Variants in EHBP1 observed in about 807,000 individuals in gnomAD.
EHBP1 encodes EH domain binding protein 1.
In EHBP1, 55 loss-of-function variants were observed where a neutral mutation model predicts 144.0. The observed-to-expected ratio is 0.38, with a 90% CI of 0.31 to 0.48. The LOEUF (loss-of-function observed/expected upper bound fraction) is 0.48, where lower values mean the gene tolerates loss of function less well. Ranked by LOEUF, EHBP1 falls within the 20% of genes least tolerant of loss-of-function variation. The pLI is 0.98. For synonymous variants in EHBP1, 469 were observed against 472.7 expected (o/e 0.99, Z 0.10); for missense variants, 1,200 against 1,364.2 (o/e 0.88, Z 1.90).
At chr2:62,956,085 A>G (rs2057680000) in intron 14 of EHBP1, 1 of 152,744 alleles carries the variant, frequency 6.5e-6, no homozygotes, top group South Asian at 2.1e-4. Flanking sequence ...CTCCATGGAG[A>G]CTGAGGCCAA....
Position 62,764,316 on chromosome 2 carries a change from G to A in EHBP1, c.213G>A (p.Val71=), listed in dbSNP as rs1484403571. 1 of 1,584,624 alleles carries A rather than the reference G, an allele frequency of 6.3e-7. No individual in the cohort carries two copies. The highest frequency in any genetic ancestry group is 1.8e-5 in the Admixed American group (1 of 54,640). The part of the protein sequence containing the change: ...GIKNPYRGVV[V]WPVPENIEIT... ...AAAATCCCTATCGTGGTGTTGTTGT[G>A]TGGCCTGTTCCTGAAAACATTGAAA... Residue 71 remains valine (V), a synonymous_variant, in exon 4 of 23, where the codon GTG becomes GTA. Coordinates refer to ENST00000431489, the MANE Select transcript of EHBP1 (RefSeq NM_001142616.3).
At chr2:62,805,397 A>ACAG (rs1423703513) in intron 5 of EHBP1, among the ~76,000 whole-genome samples, 1 of 152,012 alleles carries the variant, frequency 6.6e-6, no homozygotes, top group Non-Finnish European at 1.5e-5. Context: ...AAGTAGAAAA[A>ACAG]CAACAAAATG....
At chr2:62,953,777 A>C (rs1249898674) in intron 13 of EHBP1, among the ~76,000 whole-genome samples, 1 of 152,096 alleles carries the variant, frequency 6.6e-6, no homozygotes, top group South Asian at 2.1e-4. Flanking sequence ...AATTAAAAAA[A>C]AACTGTGTTT....
intron 7 of EHBP1, chr2:62,858,480 C>G (rs778667740): frequency 2.2e-5 from 36 of 1,610,964 alleles, no homozygotes; most frequent in Middle Eastern, 3.3e-4. Flanking sequence ...AGCAAATATG[C>G]GTTCAGCTAA....
At chr2:62,753,814 T>C (rs1427417619) in intron 3 of EHBP1, among the ~76,000 whole-genome samples, 1 of 152,220 alleles carries the variant, frequency 6.6e-6, no homozygotes, top group Admixed American at 6.5e-5. Flanking sequence ...ATTTGTCACG[T>C]AGTTCTCATG....
At chr2:62,758,624 A>G (rs1273136195) in intron 3 of EHBP1, among the ~76,000 whole-genome samples, 1 of 152,246 alleles carries the variant, frequency 6.6e-6, no homozygotes, top group East Asian at 1.9e-4. Context: ...ATGGCAGAGT[A>G]GTTATGTTGC....
rs373690707 is a variant in EHBP1, at chr2:62,990,852, T to C, written c.2733+12T>C. On this transcript the variant is annotated intron_variant, in intron 16 of 22. Transcript: ENST00000431489. Reference sequence around the variant, plus strand: ...AGCAGGACATGAAAGTAAGTCTTACTTGTTTAAAACATTTGGCTTAGTATC... The same window carrying C: ...AGCAGGACATGAAAGTAAGTCTTACCTGTTTAAAACATTTGGCTTAGTATC... 1 of 1,605,378 alleles carries C rather than the reference T, an allele frequency of 6.2e-7. No homozygotes were observed. Among genetic ancestry groups the C allele is most frequent in the Admixed American group, 1.7e-5 (1 of 58,506 alleles).
intron 16 of EHBP1, among the ~76,000 whole-genome samples, chr2:62,992,114 G>A (rs1365867496): frequency 6.6e-6 from 1 of 152,124 alleles, no homozygotes; most frequent in East Asian, 1.9e-4. Context: ...TCATAAAAAG[G>A]TTTCTTAAGA....
At chr2:62,870,863 A>G (rs1325760979) in intron 9 of EHBP1, among the ~76,000 whole-genome samples, 1 of 151,650 alleles carries the variant, frequency 6.6e-6, no homozygotes, top group Non-Finnish European at 1.5e-5. Flanking sequence ...CACATTTTAT[A>G]GCATGTGCTG....
intron 4 of EHBP1, 134 bp downstream of exon 4, chr2:62,764,495 G>A (rs780813766): frequency 9.3e-6 from 5 of 535,440 alleles, no homozygotes; most frequent in Non-Finnish European, 1.5e-5. Flanking sequence ...TAGGGACATA[G>A]CAATTTATAA....
chr2:62,979,524 CT>C (rs1271695417), intron 15 of EHBP1, among the ~76,000 whole-genome samples, 189 bp downstream of exon 15: 2 of 152,164 alleles, frequency 1.3e-5, no homozygotes, highest in Admixed American at 6.5e-5. Flanking sequence ...TCCACATCAA[CT>C]TTTTGGCTTC....
intron 6 of EHBP1, among the ~76,000 whole-genome samples, chr2:62,828,952 T>C (rs899150138): frequency 6.6e-6 from 1 of 151,900 alleles, no homozygotes; most frequent in African/African-American, 2.4e-5. Context: ...CCCCCCTCTC[T>C]ACAGAAATTT....
At chr2:63,008,896 A>G (rs1248331353) in intron 19 of EHBP1, among the ~76,000 whole-genome samples, 1 of 151,644 alleles carries the variant, frequency 6.6e-6, no homozygotes, top group Non-Finnish European at 1.5e-5. Flanking sequence ...AATTTCTTGT[A>G]TGCAAATTTT....
chr2:62,977,507 TTC>T (rs2058768792), intron 14 of EHBP1, among the ~76,000 whole-genome samples: 1 of 152,206 alleles, frequency 6.6e-6, no homozygotes, highest in South Asian at 2.1e-4. Context: ...GTATGATACA[TTC>T]TGTTTGCCCC....
At chr2:62,971,176 G>T (rs1285185948) in intron 14 of EHBP1, among the ~76,000 whole-genome samples, 1 of 152,132 alleles carries the variant, frequency 6.6e-6, no homozygotes, top group Non-Finnish European at 1.5e-5. Context: ...GTCCAAAGTG[G>T]TTAGTTCTGA....
Position 62,826,234 on chromosome 2 carries a change from T to A in EHBP1, c.460T>A (p.Leu154Ile), listed in dbSNP as rs1450980895. Reference protein sequence around the residue: ...KVVSAALQFSLSCIFLREGKA... With the variant: ...KVVSAALQFSISCIFLREGKA... ...TGTATCTGCCGCTCTTCAGTTTTCA[T>A]TATCTTGCATTTTTCTGAGGGAAGG... The change falls in exon 6 of 23, where the codon TTA becomes ATA. Residue 154 changes from leucine to isoleucine, a missense_variant. Leu to Ile is a conservative substitution (Grantham distance 5, BLOSUM62 2). Coordinates refer to ENST00000431489, the MANE Select transcript of EHBP1 (RefSeq NM_001142616.3). 1.3e-6 allele frequency: 2 copies of A among 1,599,024 alleles called. No individual in the cohort carries two copies. The highest frequency in any genetic ancestry group is 2.2e-5 in the East Asian group (1 of 44,686).
chr2:62,679,107 T>C (rs146337139), intron 1 of EHBP1, among the ~76,000 whole-genome samples: 18 of 152,368 alleles, frequency 1.2e-4, no homozygotes, highest in African/African-American at 4.3e-4. Context: ...TAGCCTATGC[T>C]TTGTATTTTA....
At chr2:62,724,973 T>C (rs1405213280) in intron 2 of EHBP1, among the ~76,000 whole-genome samples, 1 of 152,182 alleles carries the variant, frequency 6.6e-6, no homozygotes, top group Non-Finnish European at 1.5e-5. Flanking sequence ...GCCATAAAGA[T>C]TGGGGACTGC....
intron 5 of EHBP1, among the ~76,000 whole-genome samples, chr2:62,787,060 C>T (rs983030021): frequency 6.6e-6 from 1 of 152,154 alleles, no homozygotes; most frequent in Non-Finnish European, 1.5e-5. Flanking sequence ...TGCAAGTTTT[C>T]ATTAGCAATA....
Sources: allele counts gnomAD v4.1 joint callset (sites outside exome capture counted in the v4.1 genomes callset), GRCh38; gene constraint gnomAD v4.1.1; transcripts MANE v1.5; gene names NCBI Gene and HGNC (gene_info 2026-07-23, HGNC 2026-07-21).